The following SEMA6D variants were observed in gnomAD, a reference collection of about 807,000 sequenced individuals.
SEMA6D encodes semaphorin 6D, also known as semaphorin-6D.
A neutral mutation model predicts 106.6 loss-of-function variants in SEMA6D; 35 were observed. The ratio of observed to expected loss-of-function variants is 0.33; its 90% CI spans 0.25 to 0.44. SEMA6D has a LOEUF of 0.44. Ranked by LOEUF, SEMA6D falls within the 20% of genes least tolerant of loss-of-function variation. The probability of loss-of-function intolerance (pLI) is 1.00; values close to 1 mark genes in which losing one functional copy is unlikely to be tolerated. For synonymous variants in SEMA6D, 499 were observed against 487.7 expected, an observed-to-expected ratio of 1.02 and a Z score of -0.31; for missense variants, 1,185 against 1,345.9, an observed-to-expected ratio of 0.88 and a Z score of 1.87.
chr15:47,425,355 C>T (rs28571704), intron 2 of SEMA6D, among the ~76,000 whole-genome samples: 2 of 152,008 alleles, frequency 1.3e-5, no homozygotes, highest in Non-Finnish European at 2.9e-5. Flanking sequence ...GTCCCTGATT[C>T]TGAGGCTGCC....
chr15:47,347,800 C>G (rs757867131), intron 1 of SEMA6D, among the ~76,000 whole-genome samples: 15 of 152,160 alleles, frequency 9.9e-5, no homozygotes, highest in Non-Finnish European at 1.9e-4. Context: ...ATGGGAGCTA[C>G]TACACCCAGA....
At chr15:47,730,303 G>T (rs906255636) in intron 1 of SEMA6D, 6 of 1,524,686 alleles carry the variant, frequency 3.9e-6, no homozygotes, top group Non-Finnish European at 5.4e-6. Context: ...TAGCCAAAGC[G>T]CCTTTGTCTT....
chr15:47,539,676 G>A (rs985076532), intron 3 of SEMA6D, among the ~76,000 whole-genome samples: 2 of 151,972 alleles, frequency 1.3e-5, no homozygotes, highest in African/African-American at 4.8e-5. Flanking sequence ...ACCCACCTTC[G>A]CCTCCCAACT....
chr15:47,368,003 T>G (rs1179761853), intron 1 of SEMA6D, among the ~76,000 whole-genome samples: 1 of 151,954 alleles, frequency 6.6e-6, no homozygotes, highest in Admixed American at 6.6e-5. Context: ...GTGTGTGACT[T>G]GAACATAATG....
chr15:47,189,278 C>T (rs935842010), intron 1 of SEMA6D, among the ~76,000 whole-genome samples: 1 of 152,110 alleles, frequency 6.6e-6, no homozygotes, highest in Non-Finnish European at 1.5e-5. Flanking sequence ...CAAGCTAATC[C>T]CACCAGGCTG....
At chr15:47,766,486 T>A in intron 15 of SEMA6D, 130 bp from the exon 16 acceptor site, 1 of 713,824 alleles carries the variant, frequency 1.4e-6, no homozygotes, top group Non-Finnish European at 2.3e-6. Context: ...TATGTTAAAA[T>A]GTTGTTTTTT....
At chr15:47,623,255 A>C (rs35471498) in intron 4 of SEMA6D, among the ~76,000 whole-genome samples, 42,084 of 152,088 alleles carry the variant, frequency 0.28, 7,081 homozygotes, top group East Asian at 0.45. Context: ...CTCATGTGTT[A>C]GCTGGGTCTT....
At position 47,647,347 on chromosome 15, in the gene SEMA6D, A is replaced by G. The variant is rs537876227; in HGVS notation, c.-55+46451A>G. On this transcript the variant is annotated intron_variant, in intron 4 of 19. Transcript: ENST00000558014. Reference sequence around the variant, plus strand: ...GTTTAGCCGGGGTCTGTCAAGTGCTATTGAAGCTCACTTTGAACTAACAGG... The same window carrying G: ...GTTTAGCCGGGGTCTGTCAAGTGCTGTTGAAGCTCACTTTGAACTAACAGG... 5.3e-5 allele frequency among the ~76,000 whole-genome samples: 8 copies of G among 152,312 alleles called. No homozygotes were observed. In the East Asian group the frequency reaches 9.7e-4, roughly 18 times the overall value.
At chr15:47,511,671 T>C (rs1304940862) in intron 3 of SEMA6D, among the ~76,000 whole-genome samples, 1 of 152,194 alleles carries the variant, frequency 6.6e-6, no homozygotes, top group Non-Finnish European at 1.5e-5. Context: ...GAATACCTAA[T>C]AGGTTTCCAA....
rs2147997544 is a variant in SEMA6D at position 47,771,997 on chromosome 15, G to T, written c.*212G>T. The T allele has an allele frequency of 5.3e-6, 3 of 563,410 alleles. No homozygotes were observed. Among genetic ancestry groups the T allele is most frequent in the East Asian group, 2.8e-5 (1 of 35,240 alleles). 34.9% of individuals were successfully genotyped at this position (563,410 alleles called of 1,614,324 possible). A position where few individuals can be genotyped will look rare whatever the true frequency, so the allele number is the denominator to read the frequency against. Reference sequence around the variant, plus strand: ...TACTTGCCTGAAAACAAAGGAAGGTGCTGGTCATTCCATTTCTTTTGTTTG... The same window carrying T: ...TACTTGCCTGAAAACAAAGGAAGGTTCTGGTCATTCCATTTCTTTTGTTTG... On this transcript the variant is annotated 3_prime_UTR_variant, in exon 19 of 19. Transcript: ENST00000536845.
At chr15:47,187,719 CTT>C (rs1195386201) in intron 1 of SEMA6D, among the ~76,000 whole-genome samples, 3 of 152,118 alleles carry the variant, frequency 2.0e-5, no homozygotes, top group Non-Finnish European at 2.9e-5. Flanking sequence ...GGGTCTGACT[CTT>C]TTGTTATTTT....
intron 3 of SEMA6D, among the ~76,000 whole-genome samples, chr15:47,499,232 C>A (rs1019627): frequency 0.34 from 51,877 of 151,678 alleles, 9,267 homozygotes; most frequent in African/African-American, 0.46. Flanking sequence ...GGTCTAAGAC[C>A]AAAGATATTT....
Position 47,538,021 on chromosome 15 carries a change from T to C in SEMA6D, c.-86-62844T>C, listed in dbSNP as rs1254918615. Among the ~76,000 whole-genome samples, 63 of 152,134 alleles carry C rather than the reference T, an allele frequency of 4.1e-4. 2 individuals carry two copies. Among genetic ancestry groups the C allele is most frequent in the Admixed American group, 4.1e-3 (63 of 15,272 alleles). On this transcript the variant is annotated intron_variant, in intron 3 of 19. Transcript: ENST00000558014. ...GCACAGAACATGAGACTGGATGTGC[T>C]CTTCAAGGAGATGATTCAGAAAGAA...
At chr15:47,713,828 T>C (rs2079063254), upstream of SEMA6D, among the ~76,000 whole-genome samples, 1 of 152,230 alleles carries the variant, frequency 6.6e-6, no homozygotes, top group South Asian at 2.1e-4. Flanking sequence ...CAAACATTTA[T>C]TGCAAACCTA....
intron 1 of SEMA6D, among the ~76,000 whole-genome samples, chr15:47,257,705 C>G (rs114092944): frequency 0.021 from 3,119 of 151,018 alleles, 96 homozygotes; most frequent in African/African-American, 0.071. Context: ...ATGGGTCTAT[C>G]TTGGTAAATG....
intron 3 of SEMA6D, among the ~76,000 whole-genome samples, chr15:47,476,621 T>C (rs1234152058): frequency 6.6e-6 from 1 of 152,044 alleles, no homozygotes; most frequent in Non-Finnish European, 1.5e-5. Context: ...TAAAATTGTT[T>C]AGAGACAAAC....
At chr15:47,631,648 C>CTG (rs2077295053) in intron 4 of SEMA6D, among the ~76,000 whole-genome samples, 2 of 151,830 alleles carry the variant, frequency 1.3e-5, no homozygotes, top group African/African-American at 4.8e-5. Flanking sequence ...AAGCAAGACA[C>CTG]TAAACTGCTG....
intron 3 of SEMA6D, among the ~76,000 whole-genome samples, chr15:47,526,939 A>G (rs2044779282): frequency 2.0e-5 from 3 of 151,998 alleles, no homozygotes; most frequent in African/African-American, 7.2e-5. Flanking sequence ...GGGTTTCACT[A>G]TGTTGGTCAG....
intron 1 of SEMA6D, 140 bp downstream of exon 1, chr15:47,717,832 C>CTGTGTGTGTG (rs71118194): frequency 1.1e-4 from 11 of 99,274 alleles, no homozygotes; most frequent in East Asian, 6.2e-4. Context: ...TCCCGAATCG[C>CTGTGTGTGTG]TGTGTGTGTG....
Sources: allele counts gnomAD v4.1 joint callset (sites outside exome capture counted in the v4.1 genomes callset), GRCh38; gene constraint gnomAD v4.1.1; transcripts MANE v1.5; gene names NCBI Gene and HGNC (gene_info 2026-07-23, HGNC 2026-07-21).